SRGAP3: variants seen among roughly 807,000 people sequenced by gnomAD.
The protein encoded by SRGAP3 is SLIT-ROBO Rho GTPase activating protein 3.
Under a neutral mutation model 121.1 loss-of-function variants are expected in SRGAP3, and 39 were observed. The ratio of observed to expected loss-of-function variants is 0.32; its 90% CI spans 0.25 to 0.42. SRGAP3 has a LOEUF of 0.42. Ranked by LOEUF, SRGAP3 falls within the 10% of genes least tolerant of loss-of-function variation. SRGAP3 has a pLI of 1.00. For missense variants in SRGAP3, 1,213 were observed against 1,470.6 expected, an observed-to-expected ratio of 0.82 and a Z score of 2.86; for synonymous variants, 601 against 570.0, an observed-to-expected ratio of 1.05 and a Z score of -0.77.
chr3:9,102,278 C>T (rs1357731455), intron 3 of SRGAP3, among the ~76,000 whole-genome samples: 2 of 152,150 alleles, frequency 1.3e-5, no homozygotes, highest in Non-Finnish European at 2.9e-5. Context: ...GCATTGTTAC[C>T]AGCTCCATTT....
intron 1 of SRGAP3, among the ~76,000 whole-genome samples, chr3:9,214,290 C>CA (rs1483380339): frequency 6.6e-6 from 1 of 152,182 alleles, no homozygotes. Context: ...TACTCATATT[C>CA]ATTGCCTTAT....
At chr3:9,059,893 T>G (rs1031744138) in intron 6 of SRGAP3, 2 of 371,530 alleles carry the variant, frequency 5.4e-6, no homozygotes, top group Non-Finnish European at 5.2e-6. Flanking sequence ...CCCCAAGGCA[T>G]GAACTGTGTA....
chr3:9,251,230 C>T (rs1028173419), upstream of SRGAP3, among the ~76,000 whole-genome samples: 13 of 152,108 alleles, frequency 8.5e-5, no homozygotes, highest in African/African-American at 1.2e-4. Flanking sequence ...CTTGGAGCAA[C>T]GACAGGGAGA....
At chr3:9,140,808 G>T (rs544772398) in intron 1 of SRGAP3, among the ~76,000 whole-genome samples, 1 of 152,298 alleles carries the variant, frequency 6.6e-6, no homozygotes, top group South Asian at 2.1e-4. Context: ...CTACATAATA[G>T]GCATTACTCC....
At chr3:9,204,362 C>G (rs868687760) in intron 1 of SRGAP3, among the ~76,000 whole-genome samples, 124 of 152,292 alleles carry the variant, frequency 8.1e-4, no homozygotes, top group African/African-American at 3.0e-3. Context: ...GTTCGGAGGT[C>G]ACCAGGCCAC....
In SRGAP3 at chr3:9,160,192, G is replaced by C. The variant is rs552465024; in HGVS notation, c.68-35275C>G. On this transcript the variant is annotated intron_variant, in intron 1 of 21. Coordinates refer to ENST00000383836, the MANE Select transcript of SRGAP3 (RefSeq NM_014850.4). Reference sequence around the variant, plus strand: ...TGAATAAGAGTTAATATATGTTGTGGTGGTTTTATAATACTACCATAAATT... The same window carrying C: ...TGAATAAGAGTTAATATATGTTGTGCTGGTTTTATAATACTACCATAAATT... 4.3e-4 allele frequency among the ~76,000 whole-genome samples: 65 copies of C among 152,300 alleles called. 1 individual carries two copies. Among genetic ancestry groups the C allele is most frequent in the African/African-American group, 1.4e-3 (58 of 41,566 alleles).
chr3:9,156,460 A>G (rs943839648), intron 1 of SRGAP3, among the ~76,000 whole-genome samples: 4 of 152,166 alleles, frequency 2.6e-5, no homozygotes, highest in Non-Finnish European at 5.9e-5. Flanking sequence ...GGTCTTGACA[A>G]TGAGCTGCTG....
chr3:9,299,051 C>CAAAA (rs71049787), intron 3 of SRGAP3, among the ~76,000 whole-genome samples: 1 of 70,380 alleles, frequency 1.4e-5, no homozygotes, highest in Non-Finnish European at 2.6e-5. Context: ...GACTCCATCT[C>CAAAA]AAAAAAAAAA....
intron 3 of SRGAP3, among the ~76,000 whole-genome samples, chr3:9,268,296 G>GTCTCTCTCTCTCTCTC (rs71626912): frequency 6.8e-5 from 10 of 147,572 alleles, no homozygotes; most frequent in African/African-American, 2.5e-4. Flanking sequence ...AGAGAGAAGA[G>GTCTCTCTCTCTCTCTC]TCTCTCTCTC....
chr3:9,239,324 G>A lies in SRGAP3; in HGVS notation c.67+9561C>T, dbSNP rs1182695576. ...AAATCCAACAGGCATAGGTTGCAGT[G>A]AGCCAAGGTTGCACCACTGCATTCC... On this transcript the variant is annotated intron_variant, in intron 1 of 21. Coordinates refer to ENST00000383836, the MANE Select transcript of SRGAP3 (RefSeq NM_014850.4). The surrounding 1 kb of genome is among the most constrained non-coding windows in gnomAD (Gnocchi z 4.0). Among the ~76,000 whole-genome samples the A allele has an allele frequency of 6.6e-6, 1 of 152,182 alleles. No individual in the cohort carries two copies. Among genetic ancestry groups the A allele is most frequent in the Non-Finnish European group, 1.5e-5 (1 of 68,034 alleles).
chr3:9,008,913 T>C (rs903220362), intron 18 of SRGAP3, among the ~76,000 whole-genome samples: 1 of 152,004 alleles, frequency 6.6e-6, no homozygotes, highest in African/African-American at 2.4e-5. Flanking sequence ...CACTGAGAGT[T>C]TGGGTAAGAT....
chr3:9,312,372 G>A (rs890042270), intron 3 of SRGAP3, among the ~76,000 whole-genome samples: 5 of 152,192 alleles, frequency 3.3e-5, no homozygotes, highest in African/African-American at 1.2e-4. Context: ...GGCCAGGCTG[G>A]TCTCAAACTC....
chr3:9,013,217 G>C, intron 17 of SRGAP3, 91 bp downstream of exon 17: 1 of 1,266,518 alleles, frequency 7.9e-7, no homozygotes, highest in Non-Finnish European at 1.1e-6. Flanking sequence ...CGACTATCAA[G>C]CAGTAAGAAA....
chr3:9,004,987 T>C (rs893566047), intron 18 of SRGAP3, among the ~76,000 whole-genome samples: 1 of 152,146 alleles, frequency 6.6e-6, no homozygotes, highest in African/African-American at 2.4e-5. Context: ...AGCCACAGAA[T>C]GGGAGAAAAT....
In SRGAP3 at chr3:8,990,627, T is replaced by C. The variant is rs1484386358; in HGVS notation, c.2771A>G (p.Asn924Ser). ...GGAGAGCGCCTTCTTGTCAGGGTAG[T>C]TGATGCTGCCAGCGCTCCCGAACGT... ...MATFGSAGSI[N>S]YPDKKALSEG... Residue 924 changes from asparagine to serine, a missense_variant, in exon 21 of 22, where the codon AAC becomes AGC. By Grantham distance (46) the Asn-to-Ser change is conservative. Around this residue, in one of 2 missense-constraint regions of SRGAP3, gnomAD observed 420 missense variants for 437.7 expected, o/e 0.96. Coordinates refer to ENST00000383836, the MANE Select transcript of SRGAP3 (RefSeq NM_014850.4). 2 of 1,613,326 alleles carry C rather than the reference T, an allele frequency of 1.2e-6. No individual in the cohort carries two copies. Among genetic ancestry groups the C allele is most frequent in the East Asian group, 2.2e-5 (1 of 44,866 alleles).
intron 10 of SRGAP3, among the ~76,000 whole-genome samples, chr3:9,044,684 G>A (rs867751301): frequency 6.6e-6 from 1 of 152,166 alleles, no homozygotes; most frequent in Non-Finnish European, 1.5e-5. Flanking sequence ...GGCCACTGAC[G>A]CAGCTGTAAC....
chr3:9,298,751 C>A (rs4686339), intron 3 of SRGAP3, among the ~76,000 whole-genome samples: 15 of 151,984 alleles, frequency 9.9e-5, no homozygotes, highest in African/African-American at 3.1e-4. Context: ...GAAATAGCAG[C>A]CACATGAAAA....
intron 1 of SRGAP3, among the ~76,000 whole-genome samples, chr3:9,202,772 G>A (rs938804211): frequency 1.3e-5 from 2 of 152,252 alleles, no homozygotes; most frequent in African/African-American, 4.8e-5. Flanking sequence ...GTCCCTGCTG[G>A]AGTCCATGCC....
intron 1 of SRGAP3, among the ~76,000 whole-genome samples, chr3:9,247,693 T>C (rs2125246226): frequency 6.6e-6 from 1 of 152,294 alleles, no homozygotes; most frequent in South Asian, 2.1e-4. Context: ...CAACAGCCTG[T>C]GCATAACCTC....
Sources: allele counts gnomAD v4.1 joint callset (sites outside exome capture counted in the v4.1 genomes callset), GRCh38; gene constraint gnomAD v4.1.1; regional missense constraint gnomAD v4.1.1; non-coding constraint Gnocchi (gnomAD v3.1); transcripts MANE v1.5; gene names NCBI Gene and HGNC (gene_info 2026-07-23, HGNC 2026-07-21).